Variants in TRIM8 observed in about 807,000 individuals in gnomAD.
TRIM8 encodes the protein tripartite motif containing 8.
TRIM8 carries 9 observed loss-of-function variants against 55.7 expected under a neutral mutation model. That is an observed-to-expected ratio of 0.16 (90% CI 0.10 to 0.28). The LOEUF is 0.28. TRIM8 is among the 10% of genes least tolerant of loss of function. The pLI is 1.00. For missense variants in TRIM8, 556 were observed against 736.4 expected, an observed-to-expected ratio of 0.76 and a Z score of 2.83; for synonymous variants, 335 against 333.3, an observed-to-expected ratio of 1.01 and a Z score of -0.06.
Position 102,656,015 on chromosome 10 carries a change from G to A in TRIM8, c.901-91G>A. 1.9e-6 allele frequency: 3 copies of A among 1,593,744 alleles called. No homozygotes were observed. Among genetic ancestry groups the A allele is most frequent in the South Asian group, 1.1e-5 (1 of 90,408 alleles). On this transcript the variant is annotated intron_variant, in intron 3 of 5. Transcript: ENST00000643721. The surrounding 1 kb of genome is among the most constrained non-coding windows in gnomAD (Gnocchi z 4.6). ...AGAGGATCCACCCAGCCTGGGGGAGGCTCAGGGGGGGCAGCTTTTGTCTTC... is the reference window on the plus strand; with the variant it reads ...AGAGGATCCACCCAGCCTGGGGGAGACTCAGGGGGGGCAGCTTTTGTCTTC...
At position 102,656,585 on chromosome 10, in the gene TRIM8, ATAAC is replaced by A. The variant is rs2064026912; in HGVS notation, c.1049-159_1049-156del. The A allele has an allele frequency of 7.6e-7, 1 of 1,315,076 alleles. No homozygotes were observed. The highest frequency in any genetic ancestry group is 1.0e-6 in the Non-Finnish European group (1 of 971,132). 81.5% of individuals were successfully genotyped at this position (1,315,076 alleles called of 1,614,324 possible). The stretch of plus-strand genomic sequence containing the variant: ...CATTTCTTCAGCTTAAAGTGGGGAT[ATAAC>A]TATTCTGTACCTCCTAATGGTAGAG... On this transcript the variant is annotated intron_variant, in intron 5 of 5. Transcript: ENST00000643721. This position sits in a 1 kb window ranked among gnomAD's most constrained non-coding sequence, Gnocchi z 4.6.
At chr10:102,646,894 C>T (rs2063940579) in intron 1 of TRIM8, among the ~76,000 whole-genome samples, 1 of 152,196 alleles carries the variant, frequency 6.6e-6, no homozygotes, top group Admixed American at 6.5e-5. Context: ...GGGCGATGGG[C>T]GGATGCCTGC....
rs1197029889 is a variant in TRIM8 at position 102,657,369 on chromosome 10, CG to C, written c.*19del. 14 of 1,539,842 alleles carry C rather than the reference CG, an allele frequency of 9.1e-6. No homozygotes were observed. Among genetic ancestry groups the C allele is most frequent in the Middle Eastern group, 1.8e-4 (1 of 5,574 alleles). ...TGACGAGCTAACGCCACGCAGGCGGCGGGGCGCTGGGGAATCTTCCTCCCCA... is the reference window on the plus strand; with the variant it reads ...TGACGAGCTAACGCCACGCAGGCGGCGGGCGCTGGGGAATCTTCCTCCCCA... On this transcript the variant is annotated 3_prime_UTR_variant, in exon 6 of 6. Transcript: ENST00000643721.
intron 1 of TRIM8, among the ~76,000 whole-genome samples, chr10:102,650,991 C>T (rs1012315999): frequency 6.6e-6 from 1 of 152,156 alleles, no homozygotes; most frequent in Non-Finnish European, 1.5e-5. Context: ...GCAGCAGCTC[C>T]CACTGTTCTC....
At chr10:102,646,882 C>T (rs1449361707) in intron 1 of TRIM8, among the ~76,000 whole-genome samples, 1 of 152,192 alleles carries the variant, frequency 6.6e-6, no homozygotes, top group Non-Finnish European at 1.5e-5. Context: ...GGGCAGCAAC[C>T]TGGGCGATGG....
Position 102,644,690 on chromosome 10 carries a change from C to T in TRIM8, c.73C>T (p.Pro25Ser). 6.2e-7 allele frequency: 1 copy of T among 1,613,550 alleles called. No homozygotes were observed. ...TATCTGCCTGCACGTTTTCGTGGAG[C>T]CAGTGCAGCTGCCGTGCAAACACAA... ...CPICLHVFVE[P>S]VQLPCKHNFC... Residue 25 changes from proline to serine, a missense_variant, in exon 1 of 6, where the codon CCA becomes TCA. By Grantham distance (74) the Pro-to-Ser change is moderately conservative (BLOSUM62 -1). Transcript: ENST00000643721.
chr10:102,654,361 G>A (rs1341732311), intron 1 of TRIM8: 8 of 264,852 alleles, frequency 3.0e-5, no homozygotes, highest in South Asian at 2.1e-4. Flanking sequence ...CACTTGAACC[G>A]GGGAGGCGGA....
chr10:102,656,803 G>C lies in TRIM8; in HGVS notation c.1105G>C (p.Val369Leu). 1 of 1,521,742 alleles carries C rather than the reference G, an allele frequency of 6.6e-7. No individual in the cohort carries two copies. Among genetic ancestry groups the C allele is most frequent in the Non-Finnish European group, 8.8e-7 (1 of 1,135,962 alleles). The allele number at this position is 1,521,742 out of a possible 1,614,324, so 94.3% of individuals were successfully genotyped here. ...GAGTGTCCCCCTGTACCCTTGCGGC[G>C]TGAGCAGCTCTGGGGCGGAAAAGCG... ...LQSVPLYPCG[V>L]SSSGAEKRKH... The change falls in exon 6 of 6, where the codon GTG (valine) becomes CTG (leucine). Residue 369 changes from valine (V) to leucine (L), a missense_variant. Physicochemically the swap from Val to Leu is conservative, Grantham distance 32. Around this residue, in one of 2 missense-constraint regions of TRIM8, gnomAD observed 391 missense variants for 441.0 expected, o/e 0.89. Coordinates refer to ENST00000643721, the MANE Select transcript of TRIM8 (RefSeq NM_030912.3). The surrounding 1 kb of genome is among the most constrained non-coding windows in gnomAD (Gnocchi z 4.6).
intron 1 of TRIM8, chr10:102,645,826 G>A (rs2063930558): frequency 6.6e-6 from 1 of 152,432 alleles, no homozygotes; most frequent in Admixed American, 6.5e-5. Context: ...CCCTGTGTGA[G>A]AATCGCTGCC....
rs532992196 is a variant in TRIM8 at position 102,647,225 on chromosome 10, TGTGTGTGC to T, written c.570+2054_570+2061del. On this transcript the variant is annotated intron_variant, in intron 1 of 5. Transcript: ENST00000643721. ...ACTTTGTCGGCAACTCCGCAGGGTG[TGTGTGTGC>T]GTGTGTGCGTGTGTGTGCGTGCGCG... Among the ~76,000 whole-genome samples the T allele has an allele frequency of 3.9e-3, 591 of 152,106 alleles. 1 individual carries two copies. The highest frequency in any genetic ancestry group is 6.8e-3 in the African/African-American group (284 of 41,484).
At position 102,654,739 on chromosome 10, in the gene TRIM8, C is replaced by T; in HGVS notation, c.657C>T (p.Arg219=). 2 of 1,613,966 alleles carry T rather than the reference C, an allele frequency of 1.2e-6. No homozygotes were observed. The highest frequency in any genetic ancestry group is 1.1e-5 in the South Asian group (1 of 91,074). The change falls in exon 2 of 6, where the codon CGC becomes CGT. Residue 219 remains arginine, a synonymous_variant. Coordinates refer to ENST00000643721, the MANE Select transcript of TRIM8 (RefSeq NM_030912.3). ...DQLYKLESDK[R]LVEEKVNQLK... is the part of the protein sequence containing the mutation. ...TGTACAAACTCGAGTCAGACAAGCG[C>T]CTGGTGGAGGTAGCTAAGCCCAAGG...
At position 102,644,543 on chromosome 10, in the gene TRIM8, C is replaced by T. The variant is rs550480938; in HGVS notation, c.-75C>T. 2 of 1,462,698 alleles carry T rather than the reference C, an allele frequency of 1.4e-6. No individual in the cohort carries two copies. The highest frequency in any genetic ancestry group is 2.8e-5 in the African/African-American group (2 of 71,350). 90.6% of individuals were successfully genotyped at this position (1,462,698 alleles called of 1,614,324 possible). Reference sequence around the variant, plus strand: ...GGCCGGAGCTCGGGGCTCGGTGGGCCTACAGCGGCTCCGGACGGACCCCCG... The same window carrying T: ...GGCCGGAGCTCGGGGCTCGGTGGGCTTACAGCGGCTCCGGACGGACCCCCG... On this transcript the variant is annotated 5_prime_UTR_variant, in exon 1 of 6. Transcript: ENST00000643721.
chr10:102,656,192 C>G lies in TRIM8; in HGVS notation c.932+55C>G. 6.2e-7 allele frequency: 1 copy of G among 1,614,128 alleles called. No homozygotes were observed. The highest frequency in any genetic ancestry group is 8.5e-7 in the Non-Finnish European group (1 of 1,179,996). ...GCACATCCTGGGGAGGGCAGGGGGG[C>G]CAGGCCCATGGCGGGGAGGTAGGGC... On this transcript the variant is annotated intron_variant, in intron 4 of 5. Transcript: ENST00000643721. This position sits in a 1 kb window ranked among gnomAD's most constrained non-coding sequence, Gnocchi z 4.6.
At chr10:102,647,714 AG>A (rs760808634) in intron 1 of TRIM8, among the ~76,000 whole-genome samples, 9 of 152,264 alleles carry the variant, frequency 5.9e-5, no homozygotes, top group Non-Finnish European at 1.3e-4. Context: ...CCCAGGATAC[AG>A]GGGCAGAAGC....
chr10:102,656,396 G>A lies in TRIM8; in HGVS notation c.1048+11G>A. ...GGAAAATGCTAGAAGGTGAGGGTGGGGTGTTCCGCCGAAGGGAGACAGGGA... is the reference window on the plus strand; with the variant it reads ...GGAAAATGCTAGAAGGTGAGGGTGGAGTGTTCCGCCGAAGGGAGACAGGGA... On this transcript the variant is annotated intron_variant, in intron 5 of 5. Coordinates refer to ENST00000643721, the MANE Select transcript of TRIM8 (RefSeq NM_030912.3). The surrounding 1 kb of genome is among the most constrained non-coding windows in gnomAD (Gnocchi z 4.6). 6.2e-7 allele frequency: 1 copy of A among 1,606,776 alleles called. No individual in the cohort carries two copies. Among genetic ancestry groups the A allele is most frequent in the Non-Finnish European group, 8.5e-7 (1 of 1,176,132 alleles).
Position 102,657,009 on chromosome 10 carries a change from A to C in TRIM8, c.1311A>C (p.Ser437=), listed in dbSNP as rs1286276784. 1.9e-6 allele frequency: 3 copies of C among 1,612,532 alleles called. No individual in the cohort carries two copies. Among genetic ancestry groups the C allele is most frequent in the Admixed American group, 1.7e-5 (1 of 60,008 alleles). Residue 437 remains serine, a synonymous_variant, in exon 6 of 6, where the codon TCA becomes TCC. Transcript: ENST00000643721. ...CGGGCGGCGCCCAACCAGTGCACTC[A>C]AGCCCCGTGTTCCCCCCATCGCAGT... ...ALPGGAQPVH[S]SPVFPPSQYP... is the part of the protein sequence containing the mutation.
Position 102,656,002 on chromosome 10 carries a change from C to G in TRIM8, c.901-104C>G. 6.4e-7 allele frequency: 1 copy of G among 1,552,256 alleles called. No individual in the cohort carries two copies. The highest frequency in any genetic ancestry group is 1.4e-5 in the African/African-American group (1 of 73,934). On this transcript the variant is annotated intron_variant, in intron 3 of 5. Transcript: ENST00000643721. This position sits in a 1 kb window ranked among gnomAD's most constrained non-coding sequence, Gnocchi z 4.6. ...TCTGTCCAGAATGAGAGGATCCACC[C>G]AGCCTGGGGGAGGCTCAGGGGGGGC...
intron 1 of TRIM8, among the ~76,000 whole-genome samples, chr10:102,650,371 G>C (rs2063974862): frequency 6.6e-6 from 1 of 152,134 alleles, no homozygotes; most frequent in African/African-American, 2.4e-5. Context: ...GCTGAGGAGT[G>C]GGGGCCCAGG....
At position 102,656,095 on chromosome 10, in the gene TRIM8, C is replaced by T. The variant is rs750267210; in HGVS notation, c.901-11C>T. On this transcript the variant is annotated splice_polypyrimidine_tract_variant and intron_variant, in intron 3 of 5. Coordinates refer to ENST00000643721, the MANE Select transcript of TRIM8 (RefSeq NM_030912.3). The surrounding 1 kb of genome is among the most constrained non-coding windows in gnomAD (Gnocchi z 4.6). Reference sequence around the variant, plus strand: ...TTTTCCACTGACTTGACTCTTTTCTCTCCCCAACAGAACACCAAGTCTGTG... The same window carrying T: ...TTTTCCACTGACTTGACTCTTTTCTTTCCCCAACAGAACACCAAGTCTGTG... The T allele has an allele frequency of 5.6e-6, 9 of 1,614,110 alleles. No homozygotes were observed. Among genetic ancestry groups the T allele is most frequent in the Non-Finnish European group, 7.6e-6 (9 of 1,180,016 alleles).
Sources: allele counts gnomAD v4.1 joint callset (sites outside exome capture counted in the v4.1 genomes callset), GRCh38; gene constraint gnomAD v4.1.1; regional missense constraint gnomAD v4.1.1; non-coding constraint Gnocchi (gnomAD v3.1); transcripts MANE v1.5; gene names NCBI Gene and HGNC (gene_info 2026-07-23, HGNC 2026-07-21).